The following CPNE8 variants were observed in gnomAD, a reference collection of about 807,000 sequenced individuals.
CPNE8 encodes copine 8.
In CPNE8, 45 loss-of-function variants were observed where a neutral mutation model predicts 81.5. That is an observed-to-expected ratio of 0.55 (90% CI 0.44 to 0.71). The LOEUF is 0.71. Ranked by LOEUF, CPNE8 falls within the 30% of genes least tolerant of loss-of-function variation. CPNE8 has a pLI of 0.00. For synonymous variants in CPNE8, 252 were observed against 226.3 expected, an observed-to-expected ratio of 1.11 and a Z score of -1.02; for missense variants, 594 against 672.1, an observed-to-expected ratio of 0.88 and a Z score of 1.28.
intron 13 of CPNE8, among the ~76,000 whole-genome samples, chr12:38,717,394 C>T (rs1337069209): frequency 7.7e-6 from 1 of 130,154 alleles, no homozygotes; most frequent in Non-Finnish European, 1.6e-5. Flanking sequence ...AACCTATGTG[C>T]CCATCGACCA....
chr12:38,827,050 G>A (rs959208576), intron 6 of CPNE8, among the ~76,000 whole-genome samples: 1 of 149,512 alleles, frequency 6.7e-6, no homozygotes, highest in Non-Finnish European at 1.5e-5. Context: ...GGTGCCACAC[G>A]TGCGCCTGTA....
intron 1 of CPNE8, among the ~76,000 whole-genome samples, chr12:38,886,743 T>C (rs1221746463): frequency 6.6e-6 from 1 of 152,154 alleles, no homozygotes; most frequent in Non-Finnish European, 1.5e-5. Flanking sequence ...CCTCTTGATA[T>C]CTTTTTAAGT....
chr12:38,890,303 A>G (rs1169339496), intron 1 of CPNE8, among the ~76,000 whole-genome samples: 7 of 152,206 alleles, frequency 4.6e-5, no homozygotes, highest in Non-Finnish European at 8.8e-5. Context: ...TTCAGCTGTT[A>G]CAAGCACTTA....
At chr12:38,831,288 A>G (rs925823594) in intron 5 of CPNE8, among the ~76,000 whole-genome samples, 2 of 152,200 alleles carry the variant, frequency 1.3e-5, no homozygotes, top group Admixed American at 1.3e-4. Context: ...AAGTTGTCTT[A>G]GGGTCATCAG....
chr12:38,709,854 C>A (rs78835042), intron 13 of CPNE8, among the ~76,000 whole-genome samples: 1 of 152,044 alleles, frequency 6.6e-6, no homozygotes, highest in African/African-American at 2.4e-5. Flanking sequence ...TATCTAGGTA[C>A]TTCCTCAAAC....
At chr12:38,780,987 A>G (rs1942041212) in intron 6 of CPNE8, among the ~76,000 whole-genome samples, 1 of 152,032 alleles carries the variant, frequency 6.6e-6, no homozygotes, top group Admixed American at 6.6e-5. Context: ...AACTAAAATA[A>G]CAAATACAAA....
intron 10 of CPNE8, among the ~76,000 whole-genome samples, chr12:38,747,685 G>GCCACACAAATGTA (rs1941259876): frequency 1.3e-5 from 2 of 152,006 alleles, no homozygotes; most frequent in Non-Finnish European, 2.9e-5. Context: ...CTTGAAATGT[G>GCCACACAAATGTA]GCTAGTATGA....
At chr12:38,693,538 A>T (rs1939725265) in intron 15 of CPNE8, 119 bp downstream of exon 15, 1 of 836,020 alleles carries the variant, frequency 1.2e-6, no homozygotes, top group South Asian at 2.0e-5. Flanking sequence ...TACTTACCAA[A>T]ATTAAGCTAC....
At chr12:38,860,498 T>C (rs1442367914) in intron 3 of CPNE8, among the ~76,000 whole-genome samples, 1 of 151,418 alleles carries the variant, frequency 6.6e-6, no homozygotes, top group Admixed American at 6.6e-5. Flanking sequence ...GAGAACAGTA[T>C]GAAATTTCCA....
intron 6 of CPNE8, among the ~76,000 whole-genome samples, chr12:38,815,962 T>C (rs1592115946): frequency 6.6e-6 from 1 of 152,302 alleles, no homozygotes; most frequent in Non-Finnish European, 1.5e-5. Flanking sequence ...AGCTCTTACA[T>C]ACCACATATG....
intron 10 of CPNE8, among the ~76,000 whole-genome samples, chr12:38,748,372 C>A (rs1226113037): frequency 1.3e-5 from 2 of 152,160 alleles, no homozygotes; most frequent in Non-Finnish European, 2.9e-5. Context: ...TTAATTTGGA[C>A]ATCAGGGTTG....
intron 14 of CPNE8, among the ~76,000 whole-genome samples, chr12:38,694,456 T>A (rs1310500246): frequency 1.3e-5 from 2 of 152,182 alleles, no homozygotes; most frequent in Non-Finnish European, 2.9e-5. Context: ...GTAAAATAAA[T>A]CCTACCACTG....
At chr12:38,895,575 A>T (rs1944377895) in intron 1 of CPNE8, among the ~76,000 whole-genome samples, 1 of 152,062 alleles carries the variant, frequency 6.6e-6, no homozygotes, top group South Asian at 2.1e-4. Context: ...TGGAAATAAA[A>T]CATCACATGG....
chr12:38,829,169 C>T (rs1943246085), intron 6 of CPNE8, among the ~76,000 whole-genome samples: 1 of 152,150 alleles, frequency 6.6e-6, no homozygotes. Flanking sequence ...TTGCTCATTT[C>T]ATCTTGTGAA....
At chr12:38,830,486 T>C (rs1217332143) in intron 5 of CPNE8, among the ~76,000 whole-genome samples, 2 of 152,156 alleles carry the variant, frequency 1.3e-5, no homozygotes, top group Non-Finnish European at 2.9e-5. Flanking sequence ...TCTGGATATG[T>C]AGGTCAAGAA....
intron 18 of CPNE8, among the ~76,000 whole-genome samples, chr12:38,673,275 T>G (rs1446714469): frequency 2.0e-5 from 3 of 152,154 alleles, no homozygotes; most frequent in African/African-American, 7.2e-5. Flanking sequence ...CCTCTTTCCT[T>G]TATAAATTAC....
intron 19 of CPNE8, among the ~76,000 whole-genome samples, chr12:38,670,295 T>C (rs1013606616): frequency 6.6e-6 from 1 of 152,148 alleles, no homozygotes; most frequent in African/African-American, 2.4e-5. Context: ...CCTAAAAATA[T>C]GGAAATTTTA....
chr12:38,767,752 T>G lies in CPNE8; in HGVS notation c.472-14A>C, dbSNP rs565037760. 1 of 1,476,480 alleles carries G rather than the reference T, an allele frequency of 6.8e-7. No homozygotes were observed. Among genetic ancestry groups the G allele is most frequent in the South Asian group, 1.4e-5 (1 of 70,516 alleles). The allele number at this position is 1,476,480 out of a possible 1,614,324, so 91.5% of individuals were successfully genotyped here. ...CAAAACGGCATCCTAAAAACAAAAT[T>G]AATAAAACAGTTCAAGATTTGGGCT... On this transcript the variant is annotated splice_polypyrimidine_tract_variant and intron_variant, in intron 7 of 19. Transcript: ENST00000331366.
At chr12:38,848,712 T>G in intron 3 of CPNE8, 50 bp from the exon 4 acceptor site, 1 of 1,529,038 alleles carries the variant, frequency 6.5e-7, no homozygotes, top group South Asian at 1.3e-5. Context: ...CGGCTACTTA[T>G]TACAAGTATA....
Sources: gnomAD v4.1 joint callset for allele counts (sites outside exome capture counted in the v4.1 genomes callset) on GRCh38, gnomAD v4.1.1 for gene constraint, MANE v1.5 for transcripts, NCBI Gene and HGNC (gene_info 2026-07-23, HGNC 2026-07-21) for gene names.